The following PLAC8L1 variants were observed in gnomAD, a reference collection of about 807,000 sequenced individuals.
PLAC8L1 encodes PLAC8 like 1.
PLAC8L1 carries 13 observed loss-of-function variants against 16.3 expected under a neutral mutation model. The ratio of observed to expected loss-of-function variants is 0.80; its 90% confidence interval spans 0.52 to 1.27. The LOEUF is 1.27. Ranked by LOEUF, PLAC8L1 falls within the 50% of genes most tolerant of loss-of-function variation. PLAC8L1 has a pLI of 0.00. For synonymous variants in PLAC8L1, 78 were observed against 79.3 expected, an observed-to-expected ratio of 0.98 and a Z score of 0.09; for missense variants, 184 against 220.2, an observed-to-expected ratio of 0.84 and a Z score of 1.04.
At chr5:146,091,092 G>A (rs987578970) in intron 2 of PLAC8L1, among the ~76,000 whole-genome samples, 1 of 152,038 alleles carries the variant, frequency 6.6e-6, no homozygotes, top group South Asian at 2.1e-4. Flanking sequence ...ATTGTGGGGA[G>A]CCATGAAGAA....
chr5:146,095,014 A>G (rs1580977226), intron 2 of PLAC8L1, among the ~76,000 whole-genome samples: 2 of 152,226 alleles, frequency 1.3e-5, no homozygotes, highest in South Asian at 2.1e-4. Flanking sequence ...ACAATCCCCA[A>G]TTAAAAGTCT....
intron 2 of PLAC8L1, among the ~76,000 whole-genome samples, chr5:146,089,543 C>T (rs1449185327): frequency 6.6e-6 from 1 of 151,988 alleles, no homozygotes; most frequent in African/African-American, 2.4e-5. Context: ...CAGTGAAAGG[C>T]AGAGGAGAGA....
At chr5:146,099,226 T>C (rs929885426) in intron 1 of PLAC8L1, among the ~76,000 whole-genome samples, 17 of 152,156 alleles carry the variant, frequency 1.1e-4, no homozygotes, top group African/African-American at 4.1e-4. Context: ...CTGTGCAGTG[T>C]GGTAATTATT....
At chr5:146,098,447 C>G (rs1307897537) in intron 1 of PLAC8L1, among the ~76,000 whole-genome samples, 155 bp from the exon 2 acceptor site, 1 of 152,170 alleles carries the variant, frequency 6.6e-6, no homozygotes, top group South Asian at 2.1e-4. Context: ...CCCTCCTCCC[C>G]CTCCATCATA....
At chr5:146,102,309 TTTATTTCC>T (rs1316098064) in intron 1 of PLAC8L1, among the ~76,000 whole-genome samples, 5 of 152,212 alleles carry the variant, frequency 3.3e-5, no homozygotes, top group African/African-American at 1.2e-4. Flanking sequence ...AGATTTGTTA[TTTATTTCC>T]TTAATACCCT....
At chr5:146,091,941 A>T (rs761136643) in intron 2 of PLAC8L1, among the ~76,000 whole-genome samples, 2 of 152,272 alleles carry the variant, frequency 1.3e-5, no homozygotes, top group South Asian at 2.1e-4. Flanking sequence ...CAAAAGGGAT[A>T]AATTTAGCTT....
chr5:146,084,659 C>T, intron 3 of PLAC8L1, 87 bp from the exon 4 acceptor site: 1 of 1,510,272 alleles, frequency 6.6e-7, no homozygotes, highest in Non-Finnish European at 8.9e-7. Flanking sequence ...CCTCCTGGCC[C>T]TTCAACCACA....
At chr5:146,087,353 C>T (rs1345165409) in intron 2 of PLAC8L1, among the ~76,000 whole-genome samples, 3 of 152,078 alleles carry the variant, frequency 2.0e-5, no homozygotes, top group South Asian at 2.1e-4. Flanking sequence ...TTTACACAGG[C>T]GTATGTTTTT....
At chr5:146,099,615 C>T (rs563078696) in intron 1 of PLAC8L1, among the ~76,000 whole-genome samples, 12 of 147,110 alleles carry the variant, frequency 8.2e-5, no homozygotes, top group South Asian at 2.1e-4. Context: ...GCTGAGATCA[C>T]GCCACTGCAC....
chr5:146,098,391 A>G (rs1394958534), intron 1 of PLAC8L1, 99 bp from the exon 2 acceptor site: 4 of 1,221,854 alleles, frequency 3.3e-6, no homozygotes, highest in Middle Eastern at 5.5e-4. Flanking sequence ...TAGGGACCCA[A>G]TGATGCCAAG....
chr5:146,087,250 A>G (rs114735777), intron 2 of PLAC8L1, among the ~76,000 whole-genome samples: 3,604 of 152,318 alleles, frequency 0.024, 54 homozygotes, highest in Non-Finnish European at 0.039. Context: ...ATATTCCACA[A>G]ATTGTTTCTC....
intron 2 of PLAC8L1, among the ~76,000 whole-genome samples, chr5:146,087,232 T>C (rs570203038): frequency 1.2e-4 from 19 of 152,368 alleles, no homozygotes; most frequent in African/African-American, 4.6e-4. Flanking sequence ...CCATATTCCA[T>C]TGTATGAATA....
chr5:146,091,443 C>A (rs2150034870), intron 2 of PLAC8L1, among the ~76,000 whole-genome samples: 1 of 152,086 alleles, frequency 6.6e-6, no homozygotes, highest in South Asian at 2.1e-4. Flanking sequence ...TTAAAAAAAT[C>A]AAACTGCATA....
chr5:146,085,573 A>G lies in PLAC8L1; in HGVS notation c.281T>C (p.Met94Thr). The G allele has an allele frequency of 2.5e-6, 4 of 1,614,094 alleles. No homozygotes were observed. Among genetic ancestry groups the G allele is most frequent in the Non-Finnish European group, 3.4e-6 (4 of 1,179,984 alleles). Residue 94 changes from methionine to threonine, a missense_variant, in exon 3 of 4, where the codon ATG (methionine) becomes ACG (threonine). Coordinates refer to ENST00000311450, the MANE Select transcript of PLAC8L1 (RefSeq NM_001029869.3). Reference protein sequence around the residue: ...RICFCGLFCPMCLECDIARHY... With the variant: ...RICFCGLFCPTCLECDIARHY... Reference sequence around the variant, plus strand: ...CCTGGCGATGTCACACTCAAGACACATAGGACAGAATAGACCACAGAAACC... The same window carrying G: ...CCTGGCGATGTCACACTCAAGACACGTAGGACAGAATAGACCACAGAAACC...
intron 2 of PLAC8L1, among the ~76,000 whole-genome samples, chr5:146,089,418 T>A (rs1763573732): frequency 6.6e-6 from 1 of 152,182 alleles, no homozygotes. Flanking sequence ...TCTGCACTTA[T>A]TAACTCATTT....
chr5:146,100,182 A>T (rs1763790403), intron 1 of PLAC8L1, among the ~76,000 whole-genome samples: 1 of 152,178 alleles, frequency 6.6e-6, no homozygotes, highest in Non-Finnish European at 1.5e-5. Flanking sequence ...CAAAAAGTAG[A>T]AAAATAGGAG....
At chr5:146,098,525 T>TG (rs1763755305) in intron 1 of PLAC8L1, among the ~76,000 whole-genome samples, 1 of 152,176 alleles carries the variant, frequency 6.6e-6, no homozygotes, top group African/African-American at 2.4e-5. Context: ...GACACACAAA[T>TG]TCAAGCTCAA....
In PLAC8L1 at chr5:146,090,634, C is replaced by T. The variant is rs189506743; in HGVS notation, c.257-5037G>A. ...GAAGAAAATGGGCATAGGATATGGG[C>T]AGGTAATCCACTTAAGAGCAAATAC... On this transcript the variant is annotated intron_variant, in intron 2 of 3. Transcript: ENST00000311450. Among the ~76,000 whole-genome samples the T allele has an allele frequency of 2.0e-5, 3 of 152,210 alleles. No individual in the cohort carries two copies. The East Asian group carries it at 5.8e-4, about 29-fold the overall frequency.
chr5:146,101,254 T>C (rs1763812490), intron 1 of PLAC8L1, among the ~76,000 whole-genome samples: 1 of 149,512 alleles, frequency 6.7e-6, no homozygotes, highest in African/African-American at 2.5e-5. Flanking sequence ...GCTGTCTCTC[T>C]ACATGCACGT....
Sources: gnomAD v4.1 joint callset for allele counts (sites outside exome capture counted in the v4.1 genomes callset) on GRCh38, gnomAD v4.1.1 for gene constraint, MANE v1.5 for transcripts, NCBI Gene and HGNC (gene_info 2026-07-23, HGNC 2026-07-21) for gene names.